Variants in CCDC73 observed in about 807,000 individuals in gnomAD.
CCDC73 encodes the protein coiled-coil domain-containing protein 73.
A neutral mutation model predicts 116.5 loss-of-function variants in CCDC73; 95 were observed. That is an observed-to-expected ratio of 0.82 (90% confidence interval 0.69 to 0.97). The LOEUF (loss-of-function observed/expected upper bound fraction) is 0.97. CCDC73 is among the 50% of genes least tolerant of loss of function. The pLI is 0.00. For synonymous variants in CCDC73, 398 were observed against 401.3 expected (o/e 0.99, Z 0.10); for missense variants, 1,066 against 1,206.8 (o/e 0.88, Z 1.73).
At chr11:32,776,555 C>A (rs553626367) in intron 1 of CCDC73, among the ~76,000 whole-genome samples, 4 of 152,080 alleles carry the variant, frequency 2.6e-5, no homozygotes, top group Non-Finnish European at 5.9e-5. Flanking sequence ...TTTACTCACT[C>A]CACTTATCTA....
intron 3 of CCDC73, among the ~76,000 whole-genome samples, chr11:32,713,025 T>C (rs1000276970): frequency 6.6e-6 from 1 of 152,080 alleles, no homozygotes; most frequent in Non-Finnish European, 1.5e-5. Context: ...AGCCTGGTAT[T>C]GTTTTTCCAT....
chr11:32,810,070 T>A, the CCDC73 span, among the ~76,000 whole-genome samples: 1 of 152,218 alleles, frequency 6.6e-6, no homozygotes, highest in African/African-American at 2.4e-5. Context: ...ACTGCATTAA[T>A]TTTTAGTTAA....
intron 2 of CCDC73, among the ~76,000 whole-genome samples, chr11:32,737,238 T>C (rs1850141432): frequency 9.2e-6 from 1 of 109,168 alleles, no homozygotes; most frequent in African/African-American, 4.8e-5. Flanking sequence ...GGGCTGTGTG[T>C]GTGTGTGTGT....
intron 2 of CCDC73, among the ~76,000 whole-genome samples, chr11:32,751,334 G>A (rs113867162): frequency 0.049 from 7,446 of 152,124 alleles, 200 homozygotes; most frequent in African/African-American, 0.068. Context: ...TCACTGGGTC[G>A]CATGCTCTCT....
intron 6 of CCDC73, among the ~76,000 whole-genome samples, chr11:32,690,221 T>C (rs7947996): frequency 0.57 from 86,487 of 151,960 alleles, 25,035 homozygotes; most frequent in East Asian, 0.84. Flanking sequence ...ACTCTTAAAT[T>C]ATAAGAAAAG....
Position 32,718,119 on chromosome 11 carries a change from A to G in CCDC73, c.164T>C (p.Ile55Thr), listed in dbSNP as rs1849961284. 2.5e-6 allele frequency: 4 copies of G among 1,607,474 alleles called. No homozygotes were observed. The highest frequency in any genetic ancestry group is 1.7e-5 in the Admixed American group (1 of 59,338). Reference sequence around the variant, plus strand: ...CTGTGTCTCCACAATAATTTTACCAATCTGCTCTTCATAATGAATTTCTGC... The same window carrying G: ...CTGTGTCTCCACAATAATTTTACCAGTCTGCTCTTCATAATGAATTTCTGC... Reference protein sequence around the residue: ...REAEIHYEEQIGKIIVETQEL... With the variant: ...REAEIHYEEQTGKIIVETQEL... The change falls in exon 3 of 18, where the codon ATT becomes ACT. Residue 55 changes from isoleucine (I) to threonine (T), a missense_variant. Physicochemically the swap from Ile to Thr is moderately conservative, Grantham distance 89 (BLOSUM62 -1). Transcript: ENST00000335185.
Position 32,644,847 on chromosome 11 carries a change from C to T in CCDC73, c.940-2765G>A, listed in dbSNP as rs1590565074. 2.0e-5 allele frequency among the ~76,000 whole-genome samples: 3 copies of T among 152,250 alleles called. No individual in the cohort carries two copies. In the Middle Eastern group the frequency reaches 0.01, roughly 518 times the overall value. ...CCCTATAAATGGAATCACGGAACAACACTGTATGTAGCCTTTTGAGTCTGG... is the reference window on the plus strand; with the variant it reads ...CCCTATAAATGGAATCACGGAACAATACTGTATGTAGCCTTTTGAGTCTGG... On this transcript the variant is annotated intron_variant, in intron 12 of 17. Coordinates refer to ENST00000335185, the MANE Select transcript of CCDC73 (RefSeq NM_001008391.4).
Position 32,641,976 on chromosome 11 carries a change from C to G in CCDC73, c.1046G>C (p.Arg349Thr). ...TTTTCTATTTAATAAACTTACATGTCTTTTCCAAGTTCCTAGTGCTTTTTC... is the reference window on the plus strand; with the variant it reads ...TTTTCTATTTAATAAACTTACATGTGTTTTCCAAGTTCCTAGTGCTTTTTC... ...EHEKALGTWK[R>T]HAEELNGEIN... is the part of the protein sequence containing the mutation. The change falls in exon 13 of 18, where the codon AGA (arginine) becomes ACA (threonine). Residue 349 changes from arginine (R) to threonine (T), a missense_variant. Physicochemically the swap from Arg to Thr is moderately conservative, Grantham distance 71 (BLOSUM62 -1). Coordinates refer to ENST00000335185, the MANE Select transcript of CCDC73 (RefSeq NM_001008391.4). 1 of 1,497,044 alleles carries G rather than the reference C, an allele frequency of 6.7e-7. No individual in the cohort carries two copies. Among genetic ancestry groups the G allele is most frequent in the Non-Finnish European group, 8.9e-7 (1 of 1,122,156 alleles). The allele number at this position is 1,497,044 out of a possible 1,614,324, so 92.7% of individuals were successfully genotyped here. A position where few individuals can be genotyped will look rare whatever the true frequency, so the allele number is the denominator to read the frequency against.
At chr11:32,789,480 A>G (rs7108128) in intron 1 of CCDC73, among the ~76,000 whole-genome samples, 30,000 of 152,206 alleles carry the variant, frequency 0.2, 4,075 homozygotes, top group East Asian at 0.67. Flanking sequence ...TTAAAAATAC[A>G]GACACCCAGG....
At chr11:32,696,545 G>A (rs1372044752) in intron 6 of CCDC73, among the ~76,000 whole-genome samples, 1 of 152,082 alleles carries the variant, frequency 6.6e-6, no homozygotes, top group Non-Finnish European at 1.5e-5. Context: ...TCCTACCTCA[G>A]CCTCCTGTGT....
intron 2 of CCDC73, among the ~76,000 whole-genome samples, chr11:32,721,600 T>TC (rs1316524152): frequency 7.9e-5 from 12 of 151,618 alleles, no homozygotes; most frequent in Non-Finnish European, 1.2e-4. Flanking sequence ...GACTCACTTT[T>TC]TTTTTTTTTT....
chr11:32,734,595 G>A (rs1422469528), intron 2 of CCDC73, among the ~76,000 whole-genome samples: 2 of 152,026 alleles, frequency 1.3e-5, no homozygotes, highest in East Asian at 1.9e-4. Context: ...TTGTGTCCCT[G>A]GGTACTTGAG....
chr11:32,731,929 GAGA>G (rs1418716364), intron 2 of CCDC73, among the ~76,000 whole-genome samples: 1 of 152,224 alleles, frequency 6.6e-6, no homozygotes, highest in Non-Finnish European at 1.5e-5. Flanking sequence ...GACAAGTTGA[GAGA>G]AGAAGGCTTC....
chr11:32,606,562 T>C (rs934931581), intron 17 of CCDC73, among the ~76,000 whole-genome samples: 4 of 152,240 alleles, frequency 2.6e-5, no homozygotes, highest in Non-Finnish European at 5.9e-5. Flanking sequence ...AGAAAATGTC[T>C]ATTCAGCCAG....
chr11:32,653,078 TA>T (rs1565066996), intron 12 of CCDC73, 44 bp downstream of exon 12: 5 of 1,166,108 alleles, frequency 4.3e-6, no homozygotes, highest in Non-Finnish European at 3.8e-6. Flanking sequence ...GAAAATATAC[TA>T]AAACACAGAT....
At chr11:32,626,279 G>C (rs1855572742) in intron 14 of CCDC73, among the ~76,000 whole-genome samples, 1 of 151,720 alleles carries the variant, frequency 6.6e-6, no homozygotes, top group Admixed American at 6.6e-5. Context: ...GGGACGTGAA[G>C]GACCTCTTCA....
upstream of CCDC73, among the ~76,000 whole-genome samples, chr11:32,797,483 A>C (rs1201329800): frequency 6.6e-6 from 1 of 152,082 alleles, no homozygotes; most frequent in Non-Finnish European, 1.5e-5. Context: ...CTCATCCTTT[A>C]AATTCCAGTT....
At chr11:32,755,550 TATATATATATATGTACATATATATCC>T (rs1850327030) in intron 2 of CCDC73, among the ~76,000 whole-genome samples, 3 of 139,096 alleles carry the variant, frequency 2.2e-5, no homozygotes, top group Admixed American at 1.5e-4. Flanking sequence ...TATATATATA[TATATATATATATGTACATATATATCC>T]ATATATATGT....
intron 2 of CCDC73, among the ~76,000 whole-genome samples, chr11:32,759,815 G>T (rs1850375709): frequency 6.6e-6 from 1 of 152,094 alleles, no homozygotes; most frequent in Non-Finnish European, 1.5e-5. Context: ...TCAGCCATGT[G>T]TCTAAAGAGG....
Sources: gnomAD v4.1 joint callset for allele counts (sites outside exome capture counted in the v4.1 genomes callset) on GRCh38, gnomAD v4.1.1 for gene constraint, MANE v1.5 for transcripts, NCBI Gene and HGNC (gene_info 2026-07-23, HGNC 2026-07-21) for gene names.